Variants in SLC9C1 observed in about 807,000 individuals in gnomAD.
SLC9C1 encodes the protein sodium/hydrogen exchanger 10.
A neutral mutation model predicts 140.9 loss-of-function variants in SLC9C1; 97 were observed. The observed-to-expected ratio is 0.69, with a 90% CI of 0.58 to 0.82. SLC9C1 has a LOEUF of 0.82. Ranked by LOEUF, SLC9C1 falls within the 40% of genes least tolerant of loss-of-function variation. The pLI, the probability that SLC9C1 is intolerant of heterozygous loss-of-function variation, is 0.00. For synonymous variants in SLC9C1, 440 were observed against 442.6 expected (o/e 0.99, Z 0.07); for missense variants, 1,340 against 1,389.3 (o/e 0.96, Z 0.56).
intron 26 of SLC9C1, among the ~76,000 whole-genome samples, chr3:112,162,723 T>G (rs2075343471): frequency 6.6e-6 from 1 of 151,084 alleles, no homozygotes; most frequent in Admixed American, 6.6e-5. Flanking sequence ...GATATTGGTC[T>G]AAAATTCTCT....
At chr3:112,263,910 T>C (rs1443878049) in intron 9 of SLC9C1, among the ~76,000 whole-genome samples, 1 of 151,838 alleles carries the variant, frequency 6.6e-6, no homozygotes, top group Non-Finnish European at 1.5e-5. Context: ...AAAAACAAGA[T>C]TTTTATTTAT....
intron 17 of SLC9C1, 53 bp from the exon 18 acceptor site, chr3:112,202,452 A>G (rs935428507): frequency 1.3e-6 from 2 of 1,515,404 alleles, no homozygotes; most frequent in Admixed American, 4.0e-5. Context: ...TCATTTTATG[A>G]TATGTTGATT....
At position 112,243,992 on chromosome 3, in the gene SLC9C1, T is replaced by C; in HGVS notation, c.1279+3A>G. The C allele has an allele frequency of 6.3e-7, 1 of 1,584,060 alleles. No individual in the cohort carries two copies. The highest frequency in any genetic ancestry group is 8.6e-7 in the Non-Finnish European group (1 of 1,158,580). ...CACAGGAATAGTAACTGTTAGGGCT[T>C]ACCTAGTATAGTAACTGCCACTGGC... On this transcript the variant is annotated splice_donor_region_variant and intron_variant, in intron 11 of 28. Transcript: ENST00000305815.
chr3:112,153,605 G>T (rs1355038695), intron 27 of SLC9C1, among the ~76,000 whole-genome samples: 1 of 152,194 alleles, frequency 6.6e-6, no homozygotes, highest in African/African-American at 2.4e-5. Flanking sequence ...CAAGAATAAT[G>T]GAAACTGTGT....
intron 23 of SLC9C1, among the ~76,000 whole-genome samples, chr3:112,178,060 G>A (rs566597139): frequency 6.6e-6 from 1 of 151,602 alleles, no homozygotes; most frequent in South Asian, 2.1e-4. Context: ...TACAGCAATT[G>A]TATTTATTTG....
At chr3:112,288,099 C>A (rs2080571137) in intron 1 of SLC9C1, among the ~76,000 whole-genome samples, 3 of 147,438 alleles carry the variant, frequency 2.0e-5, no homozygotes, top group Non-Finnish European at 4.5e-5. Flanking sequence ...CCTCTCATAA[C>A]CTGGCAAATT....
At chr3:112,162,082 G>A (rs1339262609) in intron 26 of SLC9C1, among the ~76,000 whole-genome samples, 1 of 152,068 alleles carries the variant, frequency 6.6e-6, no homozygotes, top group Admixed American at 6.5e-5. Context: ...GTCTGTTGTT[G>A]GTGTATAAGA....
At chr3:112,234,823 T>C (rs1351365376) in intron 12 of SLC9C1, among the ~76,000 whole-genome samples, 1 of 152,172 alleles carries the variant, frequency 6.6e-6, no homozygotes, top group Non-Finnish European at 1.5e-5. Flanking sequence ...CTCTGTTCTG[T>C]TCCATTGTCT....
At chr3:112,243,793 C>T (rs990192179) in intron 11 of SLC9C1, among the ~76,000 whole-genome samples, 13 of 151,588 alleles carry the variant, frequency 8.6e-5, no homozygotes, top group Admixed American at 1.3e-4. Flanking sequence ...TGGGTTCCAG[C>T]GATCCTCCCC....
At chr3:112,249,330 T>C (rs2079382899) in intron 10 of SLC9C1, among the ~76,000 whole-genome samples, 1 of 151,374 alleles carries the variant, frequency 6.6e-6, no homozygotes, top group Admixed American at 6.6e-5. Flanking sequence ...AGCTTTTTGA[T>C]TTGTTGCTGG....
Position 112,153,573 on chromosome 3 carries a change from C to T in SLC9C1, c.3417+1424G>A, listed in dbSNP as rs183439673. Reference sequence around the variant, plus strand: ...TCAAAGACGTTTGGAGAAATAGTTTCCTGTATTAAGAAAGGGTGAGCCAAG... The same window carrying T: ...TCAAAGACGTTTGGAGAAATAGTTTTCTGTATTAAGAAAGGGTGAGCCAAG... On this transcript the variant is annotated intron_variant, in intron 27 of 28. Transcript: ENST00000305815. Among the ~76,000 whole-genome samples, 458 of 152,224 alleles carry T rather than the reference C, an allele frequency of 3.0e-3. 2 individuals are homozygous for T. Among genetic ancestry groups the T allele is most frequent in the Non-Finnish European group, 4.8e-3 (325 of 68,028 alleles).
At chr3:112,178,022 G>A (rs1188227309) in intron 23 of SLC9C1, among the ~76,000 whole-genome samples, 1 of 151,474 alleles carries the variant, frequency 6.6e-6, no homozygotes, top group Admixed American at 6.6e-5. Flanking sequence ...ATCTCAAATA[G>A]GTCTCTTTAT....
chr3:112,183,151 T>A (rs1209558818), intron 20 of SLC9C1, among the ~76,000 whole-genome samples: 1 of 152,146 alleles, frequency 6.6e-6, no homozygotes, highest in East Asian at 1.9e-4. Flanking sequence ...TGTTCAATTT[T>A]AATAGGTACT....
At chr3:112,158,001 C>G (rs1410092892) in intron 26 of SLC9C1, among the ~76,000 whole-genome samples, 3 of 151,926 alleles carry the variant, frequency 2.0e-5, no homozygotes, top group Non-Finnish European at 4.4e-5. Flanking sequence ...AAGTTGGATG[C>G]CTTTATTTTT....
At chr3:112,167,560 A>T (rs1294004644) in intron 25 of SLC9C1, among the ~76,000 whole-genome samples, 1 of 152,158 alleles carries the variant, frequency 6.6e-6, no homozygotes, top group Non-Finnish European at 1.5e-5. Context: ...ATTTTTAAAT[A>T]TTTCTATTCC....
intron 20 of SLC9C1, among the ~76,000 whole-genome samples, chr3:112,190,964 CATAT>C (rs796600459): frequency 0.015 from 1,345 of 89,126 alleles, 18 homozygotes; most frequent in African/African-American, 0.043. Flanking sequence ...CACACACACA[CATAT>C]ATATATATGG....
chr3:112,240,107 A>C lies in SLC9C1; in HGVS notation c.1280-101T>G, dbSNP rs1364125273. On this transcript the variant is annotated intron_variant, in intron 11 of 28. Transcript: ENST00000305815. ...TTTTAACTTATTGTCACTAATCTTTAAATAAAATTTCAACATAAACTGTTT... is the reference window on the plus strand; with the variant it reads ...TTTTAACTTATTGTCACTAATCTTTCAATAAAATTTCAACATAAACTGTTT... 2 of 1,117,828 alleles carry C rather than the reference A, an allele frequency of 1.8e-6. 1 individual carries two copies. Among genetic ancestry groups the C allele is most frequent in the East Asian group, 5.1e-5 (2 of 39,390 alleles). 69.2% of individuals were successfully genotyped at this position (1,117,828 alleles called of 1,614,324 possible).
At chr3:112,172,803 A>G (rs1490058884) in intron 23 of SLC9C1, among the ~76,000 whole-genome samples, 1 of 152,068 alleles carries the variant, frequency 6.6e-6, no homozygotes. Context: ...TATCTTATAT[A>G]AATTTTCTGT....
intron 23 of SLC9C1, among the ~76,000 whole-genome samples, chr3:112,172,797 T>A (rs1223403278): frequency 6.6e-6 from 1 of 152,100 alleles, no homozygotes. Flanking sequence ...CTTGAATATC[T>A]TATATAAATT....
Sources: allele counts gnomAD v4.1 joint callset (sites outside exome capture counted in the v4.1 genomes callset), GRCh38; gene constraint gnomAD v4.1.1; transcripts MANE v1.5; gene names NCBI Gene and HGNC (gene_info 2026-07-23, HGNC 2026-07-21).